Variants in PCSK2 observed in about 807,000 individuals in gnomAD.
The protein encoded by PCSK2 is proprotein convertase subtilisin/kexin type 2, also known as neuroendocrine convertase 2.
PCSK2 carries 14 observed loss-of-function variants against 69.7 expected under a neutral mutation model. The ratio of observed to expected loss-of-function variants is 0.20; its 90% CI spans 0.13 to 0.31. PCSK2 has a LOEUF of 0.31. Ranked by LOEUF, PCSK2 falls within the 10% of genes least tolerant of loss-of-function variation. The probability of loss-of-function intolerance (pLI) is 1.00; values close to 1 mark genes in which losing one functional copy is unlikely to be tolerated. For missense variants in PCSK2, 544 were observed against 842.5 expected (o/e 0.65, Z 4.39); for synonymous variants, 307 against 320.7 (o/e 0.96, Z 0.46).
In PCSK2 at chr20:17,342,508, G is replaced by A. The variant is rs182243352; in HGVS notation, c.283-15819G>A. Among the ~76,000 whole-genome samples, 952 of 152,130 alleles carry A rather than the reference G, an allele frequency of 6.3e-3. 12 individuals carry two copies. Among genetic ancestry groups the A allele is most frequent in the African/African-American group, 0.022 (894 of 41,496 alleles). ...TAATTTGTGTATTTTTTGCAGAGATGGGGTTTCACCATGTTGTCCAGGCTG... is the reference window on the plus strand; with the variant it reads ...TAATTTGTGTATTTTTTGCAGAGATAGGGTTTCACCATGTTGTCCAGGCTG... On this transcript the variant is annotated intron_variant, in intron 2 of 11. Coordinates refer to ENST00000262545, the MANE Select transcript of PCSK2 (RefSeq NM_002594.5).
chr20:17,354,217 T>G (rs933656583), intron 2 of PCSK2, among the ~76,000 whole-genome samples: 2 of 152,222 alleles, frequency 1.3e-5, no homozygotes, highest in African/African-American at 4.8e-5. Context: ...TAACAAAGAC[T>G]TCTACTTTCT....
At chr20:17,420,044 C>T (rs1268063049) in intron 6 of PCSK2, among the ~76,000 whole-genome samples, 2 of 152,180 alleles carry the variant, frequency 1.3e-5, no homozygotes, top group Non-Finnish European at 1.5e-5. Context: ...TAAATGGAGG[C>T]TGAAGAACAT....
chr20:17,231,003 A>G (rs187719528), intron 1 of PCSK2, among the ~76,000 whole-genome samples: 1 of 152,368 alleles, frequency 6.6e-6, no homozygotes, highest in Admixed American at 6.5e-5. Context: ...TATTCCAAAG[A>G]GTGCCTTAAA....
At chr20:17,330,091 A>T (rs1990171382) in intron 2 of PCSK2, among the ~76,000 whole-genome samples, 1 of 152,242 alleles carries the variant, frequency 6.6e-6, no homozygotes, top group Non-Finnish European at 1.5e-5. Flanking sequence ...ACATGTTATC[A>T]GTACAAAATT....
chr20:17,240,708 T>C (rs1841880221), intron 1 of PCSK2, among the ~76,000 whole-genome samples: 1 of 152,204 alleles, frequency 6.6e-6, no homozygotes, highest in African/African-American at 2.4e-5. Context: ...ATTACCTAGG[T>C]GTCACTCTAG....
At chr20:17,465,636 C>T in intron 11 of PCSK2, 83 bp downstream of exon 11, 1 of 824,216 alleles carries the variant, frequency 1.2e-6, no homozygotes. Flanking sequence ...TATCACATTC[C>T]CTCTTCATGT....
intron 11 of PCSK2, among the ~76,000 whole-genome samples, chr20:17,467,529 C>T (rs1431377592): frequency 6.6e-6 from 1 of 152,174 alleles, no homozygotes; most frequent in Non-Finnish European, 1.5e-5. Flanking sequence ...TCTGCCAGCT[C>T]TTTGATGACA....
chr20:17,467,661 T>G (rs2033125148), intron 11 of PCSK2, among the ~76,000 whole-genome samples: 1 of 152,234 alleles, frequency 6.6e-6, no homozygotes, highest in South Asian at 2.1e-4. Flanking sequence ...ATTGAAATTA[T>G]TAGACCCCCT....
chr20:17,474,887 A>G (rs868136882), intron 11 of PCSK2, among the ~76,000 whole-genome samples: 7 of 152,300 alleles, frequency 4.6e-5, no homozygotes, highest in Middle Eastern at 6.8e-3. Context: ...TGTATCACCA[A>G]CGATGACATA....
At chr20:17,280,846 C>T (rs941166623) in intron 2 of PCSK2, among the ~76,000 whole-genome samples, 1 of 152,196 alleles carries the variant, frequency 6.6e-6, no homozygotes, top group Non-Finnish European at 1.5e-5. Flanking sequence ...TAAACTCCCA[C>T]ACCAACCATG....
At chr20:17,388,698 C>T (rs1377251487) in intron 5 of PCSK2, among the ~76,000 whole-genome samples, 1 of 152,114 alleles carries the variant, frequency 6.6e-6, no homozygotes, top group South Asian at 2.1e-4. Flanking sequence ...CTTAAAGCCT[C>T]GCTCCACCAC....
intron 8 of PCSK2, among the ~76,000 whole-genome samples, chr20:17,451,401 C>G (rs1176751682): frequency 1.3e-5 from 2 of 152,134 alleles, no homozygotes; most frequent in East Asian, 3.9e-4. Context: ...TAGAGACTGA[C>G]GGATCGAGGA....
intron 11 of PCSK2, among the ~76,000 whole-genome samples, chr20:17,470,126 A>G (rs1170646632): frequency 6.6e-6 from 1 of 152,214 alleles, no homozygotes; most frequent in Non-Finnish European, 1.5e-5. Context: ...TCAACATGAA[A>G]TGGGCGTTGA....
intron 6 of PCSK2, among the ~76,000 whole-genome samples, chr20:17,419,394 G>A (rs902420813): frequency 6.6e-6 from 1 of 152,168 alleles, no homozygotes; most frequent in African/African-American, 2.4e-5. Flanking sequence ...TTCAAAAAGA[G>A]TATAATTTTC....
chr20:17,422,007 G>A (rs1054277857), intron 6 of PCSK2, among the ~76,000 whole-genome samples: 4 of 152,000 alleles, frequency 2.6e-5, no homozygotes, highest in African/African-American at 7.3e-5. Flanking sequence ...TTTTTAGTTT[G>A]TTCAGAGTGA....
chr20:17,449,501 A>T (rs58226667), intron 8 of PCSK2, among the ~76,000 whole-genome samples: 4 of 73,020 alleles, frequency 5.5e-5, no homozygotes, highest in Admixed American at 1.2e-4. Flanking sequence ...CATATATATA[A>T]ATATACATAT....
At chr20:17,268,832 C>T (rs1467958047) in intron 2 of PCSK2, among the ~76,000 whole-genome samples, 1 of 152,102 alleles carries the variant, frequency 6.6e-6, no homozygotes, top group African/African-American at 2.4e-5. Context: ...AAGAGAAAAG[C>T]CAGTGGCATA....
intron 4 of PCSK2, among the ~76,000 whole-genome samples, chr20:17,364,544 T>C (rs754376886): frequency 2.0e-5 from 3 of 152,036 alleles, no homozygotes; most frequent in Non-Finnish European, 2.9e-5. Flanking sequence ...GAAAGGAGTT[T>C]CCCCTTATAA....
chr20:17,421,562 A>G (rs1161547071), intron 6 of PCSK2, among the ~76,000 whole-genome samples: 1 of 152,096 alleles, frequency 6.6e-6, no homozygotes, highest in African/African-American at 2.4e-5. Context: ...GCAGCTGGCC[A>G]CCATGGGTCT....
Sources: gnomAD v4.1 joint callset for allele counts (sites outside exome capture counted in the v4.1 genomes callset) on GRCh38, gnomAD v4.1.1 for gene constraint, MANE v1.5 for transcripts, NCBI Gene and HGNC (gene_info 2026-07-23, HGNC 2026-07-21) for gene names.